EXD1: variants seen among roughly 807,000 people sequenced by gnomAD.
The protein encoded by EXD1 is piRNA biogenesis protein EXD1.
Under a neutral mutation model 49.1 loss-of-function variants are expected in EXD1, and 63 were observed. That is an observed-to-expected ratio of 1.28 (90% CI 1.05 to 1.58). The LOEUF (loss-of-function observed/expected upper bound fraction) is 1.58. Among genes scored for constraint, EXD1 ranks in the 40% most tolerant of loss-of-function variants. The probability of loss-of-function intolerance (pLI) is 0.00; values close to 1 mark genes in which losing one functional copy is unlikely to be tolerated. For missense variants in EXD1, 748 were observed against 666.0 expected, an observed-to-expected ratio of 1.12 and a Z score of -1.36; for synonymous variants, 234 against 239.2, an observed-to-expected ratio of 0.98 and a Z score of 0.20.
intron 11 of EXD1, among the ~76,000 whole-genome samples, chr15:41,184,878 G>A (rs1035967144): frequency 6.6e-6 from 1 of 151,930 alleles, no homozygotes; most frequent in Admixed American, 6.6e-5. Flanking sequence ...AGATGGTCTC[G>A]ATCTCCTGAC....
At chr15:41,223,703 T>C (rs1010671219) in intron 2 of EXD1, among the ~76,000 whole-genome samples, 2 of 149,994 alleles carry the variant, frequency 1.3e-5, no homozygotes, top group African/African-American at 4.9e-5. Context: ...CTACTAAAAA[T>C]ACAAAAGAAA....
rs572843554 is a variant in EXD1, at chr15:41,196,312, A to ATTTT, written c.535-279_535-276dup. Among the ~76,000 whole-genome samples, 76 of 108,114 alleles carry ATTTT rather than the reference A, an allele frequency of 7.0e-4. 1 individual carries two copies. Among genetic ancestry groups the ATTTT allele is most frequent in the African/African-American group, 2.6e-3 (65 of 25,232 alleles). 70.9% of individuals were successfully genotyped at this position (108,114 alleles called of 152,430 possible). ...AGGCATGCGGCACCACGCCCAGCTA[A>ATTTT]TTTTTTTTTTTTTTTTTTTTTTGAG... On this transcript the variant is annotated intron_variant, in intron 7 of 11. Transcript: ENST00000458580.
At position 41,226,534 on chromosome 15, in the gene EXD1, C is replaced by A; in HGVS notation, c.42G>T (p.Leu14Phe). ...SSDYHFLSQILWKRVKLTLVC... is the reference protein window; with the variant it reads ...SSDYHFLSQIFWKRVKLTLVC... ...CCAATGTGAGTTTCACCCTCTTCCA[C>A]AAAATCTGGCTGAGGAAATGGTAGT... is the stretch of plus-strand genomic sequence containing the variant. Residue 14 changes from leucine (L) to phenylalanine (F), a missense_variant, in exon 2 of 12, where the codon TTG (leucine) becomes TTT (phenylalanine). By Grantham distance (22) the Leu-to-Phe change is conservative. Transcript: ENST00000458580. 2 of 1,536,090 alleles carry A rather than the reference C, an allele frequency of 1.3e-6. No individual in the cohort carries two copies. The highest frequency in any genetic ancestry group is 8.7e-7 in the Non-Finnish European group (1 of 1,146,884).
chr15:41,230,651 G>C lies in EXD1; in HGVS notation c.-226C>G, dbSNP rs755980041. 468 of 1,253,704 alleles carry C rather than the reference G, an allele frequency of 3.7e-4. 2 individuals carry two copies. Among genetic ancestry groups the C allele is most frequent in the Non-Finnish European group, 7.4e-5 (66 of 890,882 alleles). 77.7% of individuals were successfully genotyped at this position (1,253,704 alleles called of 1,614,324 possible). A position where few individuals can be genotyped will look rare whatever the true frequency, so the allele number is the denominator to read the frequency against. ...AGTCTCGGGACGCTCCACGCCACCC[G>C]GCGGCGGTTATCAAATCACAGGCTG... is the stretch of plus-strand genomic sequence containing the variant. On this transcript the variant is annotated 5_prime_UTR_variant, in exon 1 of 12. Coordinates refer to ENST00000458580, the MANE Select transcript of EXD1 (RefSeq NM_001286441.2).
intron 11 of EXD1, among the ~76,000 whole-genome samples, chr15:41,185,346 G>A (rs912477602): frequency 1.3e-5 from 2 of 151,542 alleles, no homozygotes; most frequent in African/African-American, 4.8e-5. Context: ...TTTTTGTTTT[G>A]TTTTGTTTTG....
chr15:41,203,420 C>T (rs756283823), intron 7 of EXD1, among the ~76,000 whole-genome samples: 3 of 152,150 alleles, frequency 2.0e-5, no homozygotes, highest in Non-Finnish European at 4.4e-5. Context: ...TAGCCCTCTT[C>T]CCTTTGTTGA....
At chr15:41,227,861 C>A (rs779026631) in intron 1 of EXD1, among the ~76,000 whole-genome samples, 2 of 151,982 alleles carry the variant, frequency 1.3e-5, no homozygotes, top group Non-Finnish European at 2.9e-5. Flanking sequence ...ACCAGCCTGA[C>A]CAACATGGTG....
chr15:41,215,036 C>T (rs1457562421), intron 6 of EXD1, among the ~76,000 whole-genome samples: 1 of 152,190 alleles, frequency 6.6e-6, no homozygotes. Flanking sequence ...TGAGCCACTG[C>T]ACCCAGCCTT....
intron 11 of EXD1, among the ~76,000 whole-genome samples, chr15:41,188,698 C>CT (rs1050122211): frequency 1.3e-5 from 2 of 151,200 alleles, no homozygotes; most frequent in African/African-American, 4.8e-5. Context: ...GGCCCTGGCC[C>CT]TTTTTTTTGA....
chr15:41,223,895 A>T (rs904602338), intron 2 of EXD1, among the ~76,000 whole-genome samples: 1 of 152,116 alleles, frequency 6.6e-6, no homozygotes, highest in Non-Finnish European at 1.5e-5. Context: ...TTAATTAAAA[A>T]TAATTTTTCT....
chr15:41,200,668 C>T (rs1471236101), intron 7 of EXD1, among the ~76,000 whole-genome samples: 5 of 152,152 alleles, frequency 3.3e-5, no homozygotes, highest in African/African-American at 9.7e-5. Context: ...GCACAGGTCA[C>T]AAGCTGTGCT....
chr15:41,224,066 A>T (rs973120341), intron 2 of EXD1, among the ~76,000 whole-genome samples: 1 of 151,364 alleles, frequency 6.6e-6, no homozygotes, highest in Non-Finnish European at 1.5e-5. Context: ...CAGTCTCCCA[A>T]GTAGCTGGGA....
intron 2 of EXD1, among the ~76,000 whole-genome samples, chr15:41,220,588 C>G (rs1334050973): frequency 6.6e-6 from 1 of 151,966 alleles, no homozygotes; most frequent in Non-Finnish European, 1.5e-5. Context: ...GTGTCCACAC[C>G]CTGCTTCATG....
intron 2 of EXD1, among the ~76,000 whole-genome samples, chr15:41,223,319 C>T (rs1566995427): frequency 6.6e-6 from 1 of 152,002 alleles, no homozygotes; most frequent in Non-Finnish European, 1.5e-5. Flanking sequence ...ATTTGGGAGG[C>T]TGAAGCAGGA....
intron 2 of EXD1, among the ~76,000 whole-genome samples, chr15:41,224,638 T>C (rs764200011): frequency 9.9e-5 from 15 of 152,202 alleles, no homozygotes; most frequent in South Asian, 8.3e-4. Flanking sequence ...AGCTATTTCA[T>C]TGGATGCAGC....
intron 11 of EXD1, among the ~76,000 whole-genome samples, chr15:41,189,467 G>T (rs981845667): frequency 2.6e-5 from 4 of 151,498 alleles, no homozygotes; most frequent in Non-Finnish European, 5.9e-5. Context: ...TTTGAGACCA[G>T]CCTGGCCAAC....
At chr15:41,192,889 G>A (rs1272493092) in intron 9 of EXD1, among the ~76,000 whole-genome samples, 6 of 149,268 alleles carry the variant, frequency 4.0e-5, no homozygotes, top group East Asian at 2.0e-4. Context: ...TCCGCCTCCC[G>A]GGTTCACGCC....
At chr15:41,224,287 C>A (rs1037575261) in intron 2 of EXD1, among the ~76,000 whole-genome samples, 1 of 152,122 alleles carries the variant, frequency 6.6e-6, no homozygotes, top group Non-Finnish European at 1.5e-5. Context: ...CTGTATGTGT[C>A]CGTGGTACCA....
At chr15:41,214,057 CT>C (rs1304385766) in intron 6 of EXD1, among the ~76,000 whole-genome samples, 1 of 152,080 alleles carries the variant, frequency 6.6e-6, no homozygotes. Flanking sequence ...GTCCCAGCTA[CT>C]CGGGAGGCTG....
Sources: gnomAD v4.1 joint callset for allele counts (sites outside exome capture counted in the v4.1 genomes callset) on GRCh38, gnomAD v4.1.1 for gene constraint, MANE v1.5 for transcripts, NCBI Gene and HGNC (gene_info 2026-07-23, HGNC 2026-07-21) for gene names.